EEA1: variants seen among roughly 807,000 people sequenced by gnomAD.
EEA1 encodes early endosome antigen 1, 162kD.
EEA1 carries 111 observed loss-of-function variants against 209.2 expected under a neutral mutation model. The ratio of observed to expected loss-of-function variants is 0.53; its 90% CI spans 0.45 to 0.62. The LOEUF (loss-of-function observed/expected upper bound fraction) is 0.62, where lower values mean the gene tolerates loss of function less well. Ranked by LOEUF, EEA1 falls within the 20% of genes least tolerant of loss-of-function variation. EEA1 has a pLI of 0.00. For missense variants in EEA1, 1,343 were observed against 1,530.8 expected (o/e 0.88, Z 2.05); for synonymous variants, 536 against 540.6 (o/e 0.99, Z 0.12).
At chr12:92,788,921 G>A (rs1234452016) in intron 21 of EEA1, among the ~76,000 whole-genome samples, 1 of 152,044 alleles carries the variant, frequency 6.6e-6, no homozygotes, top group African/African-American at 2.4e-5. Context: ...CTTTTCCTCT[G>A]CTACTTCTGT....
rs1289369011 is a variant in EEA1 at position 92,809,811 on chromosome 12, G to A, written c.2200-655C>T. Reference sequence around the variant, plus strand: ...TCAAGTATGAAAAAATAAGTTAACAGGTTCACTGATCTACTCACTTAAAAC... The same window carrying A: ...TCAAGTATGAAAAAATAAGTTAACAAGTTCACTGATCTACTCACTTAAAAC... On this transcript the variant is annotated intron_variant, in intron 17 of 28. Coordinates refer to ENST00000322349, the MANE Select transcript of EEA1 (RefSeq NM_003566.4). Among the ~76,000 whole-genome samples the A allele has an allele frequency of 2.6e-5, 4 of 152,112 alleles. No homozygotes were observed. The East Asian group carries it at 7.7e-4, about 29-fold the overall frequency.
intron 2 of EEA1, among the ~76,000 whole-genome samples, chr12:92,879,637 T>C (rs1325332253): frequency 1.3e-5 from 2 of 152,074 alleles, no homozygotes; most frequent in African/African-American, 4.8e-5. Flanking sequence ...AAAAAACCCA[T>C]GGCTACCATC....
At chr12:92,795,383 A>C (rs1223489342) in intron 21 of EEA1, among the ~76,000 whole-genome samples, 1 of 152,242 alleles carries the variant, frequency 6.6e-6, no homozygotes, top group Admixed American at 6.5e-5. Flanking sequence ...TACGCACTAA[A>C]GTATAAGCTC....
intron 22 of EEA1, among the ~76,000 whole-genome samples, chr12:92,785,027 TAAAAA>T (rs33945823): frequency 1.4e-5 from 2 of 142,704 alleles, no homozygotes; most frequent in Non-Finnish European, 3.0e-5. Context: ...CATACTTTCT[TAAAAA>T]AAAAAAAAAA....
chr12:92,812,980 C>G lies in EEA1; in HGVS notation c.2043G>C (p.Gln681His). Residue 681 changes from glutamine to histidine, a missense_variant and splice_region_variant, in exon 16 of 29, where the codon CAG becomes CAC. Around this residue, in one of 3 missense-constraint regions of EEA1, gnomAD observed 1,307 missense variants for 1,465.5 expected, o/e 0.89. Coordinates refer to ENST00000322349, the MANE Select transcript of EEA1 (RefSeq NM_003566.4). Reference sequence around the variant, plus strand: ...TATGAAATTGCATCTGTTTCCCTACCTGCTGTTTATCTTGTAATGCATTTT... The same window carrying G: ...TATGAAATTGCATCTGTTTCCCTACGTGCTGTTTATCTTGTAATGCATTTT... ...TAQNALQDKQQELNKITTQLD... is the reference protein window; with the variant it reads ...TAQNALQDKQHELNKITTQLD... 1 of 1,564,848 alleles carries G rather than the reference C, an allele frequency of 6.4e-7. No individual in the cohort carries two copies. Among genetic ancestry groups the G allele is most frequent in the Non-Finnish European group, 8.7e-7 (1 of 1,147,604 alleles).
intron 9 of EEA1, among the ~76,000 whole-genome samples, chr12:92,844,777 T>C (rs1382187814): frequency 6.6e-6 from 1 of 152,016 alleles, no homozygotes; most frequent in East Asian, 1.9e-4. Flanking sequence ...TCAAAAAAAT[T>C]TGCACAGGTT....
At chr12:92,820,923 GT>G (rs1876024202) in intron 13 of EEA1, 2 of 152,036 alleles carry the variant, frequency 1.3e-5, no homozygotes, top group South Asian at 4.1e-4. Flanking sequence ...GTAGAGGAGG[GT>G]TACCTTTTCC....
At chr12:92,805,812 G>C (rs1376789937) in intron 18 of EEA1, among the ~76,000 whole-genome samples, 1 of 152,132 alleles carries the variant, frequency 6.6e-6, no homozygotes, top group East Asian at 1.9e-4. Flanking sequence ...TCTGCCACCA[G>C]AGACATTTGA....
intron 1 of EEA1, among the ~76,000 whole-genome samples, chr12:92,904,778 G>T (rs1331109122): frequency 2.0e-5 from 3 of 152,194 alleles, no homozygotes; most frequent in Non-Finnish European, 2.9e-5. Flanking sequence ...GTAAGGGAAG[G>T]TCTGCAGGGC....
chr12:92,872,851 G>A (rs955186138), intron 2 of EEA1, among the ~76,000 whole-genome samples: 3 of 152,158 alleles, frequency 2.0e-5, no homozygotes, highest in African/African-American at 7.2e-5. Flanking sequence ...TACTAGGGAG[G>A]CTCAGGCCAG....
At chr12:92,835,935 T>C (rs1346931426) in intron 10 of EEA1, among the ~76,000 whole-genome samples, 1 of 152,242 alleles carries the variant, frequency 6.6e-6, no homozygotes, top group African/African-American at 2.4e-5. Flanking sequence ...CTATATTTTA[T>C]TATTAAAACT....
intron 3 of EEA1, chr12:92,859,223 A>C (rs2136717244): frequency 6.2e-7 from 1 of 1,613,194 alleles, no homozygotes; most frequent in South Asian, 1.1e-5. Context: ...GCCTATGGCC[A>C]CTTTGGTAGG....
chr12:92,916,653 A>G (rs1221550748), intron 1 of EEA1, among the ~76,000 whole-genome samples: 1 of 108,894 alleles, frequency 9.2e-6, no homozygotes, highest in Non-Finnish European at 2.0e-5. Flanking sequence ...AAAAAACAGA[A>G]CAGAAAAACT....
chr12:92,898,066 A>G (rs1879966331), intron 1 of EEA1, among the ~76,000 whole-genome samples: 1 of 151,518 alleles, frequency 6.6e-6, no homozygotes, highest in Admixed American at 6.6e-5. Flanking sequence ...AGATATGCCT[A>G]TATACAAGTA....
intron 21 of EEA1, among the ~76,000 whole-genome samples, chr12:92,793,001 C>G (rs1265126899): frequency 1.3e-5 from 2 of 152,140 alleles, no homozygotes; most frequent in African/African-American, 4.8e-5. Context: ...TAAATGTAAT[C>G]CGTCACATAA....
At chr12:92,857,863 T>G (rs144787132) in intron 3 of EEA1, among the ~76,000 whole-genome samples, 12 of 152,328 alleles carry the variant, frequency 7.9e-5, no homozygotes, top group African/African-American at 2.9e-4. Flanking sequence ...AATCTAGTCA[T>G]TGCCTTATCA....
chr12:92,828,161 C>T (rs550137230), intron 11 of EEA1, 100 bp from the exon 12 acceptor site: 51 of 952,546 alleles, frequency 5.4e-5, no homozygotes, highest in Non-Finnish European at 7.1e-5. Flanking sequence ...AAAATAAGTA[C>T]AATATCTTAA....
intron 21 of EEA1, among the ~76,000 whole-genome samples, chr12:92,789,214 C>T (rs1874276065): frequency 6.7e-6 from 1 of 149,250 alleles, no homozygotes; most frequent in Non-Finnish European, 1.5e-5. Context: ...CGCCTGAACA[C>T]AGGAGGTGGA....
chr12:92,852,813 G>T, intron 7 of EEA1, 99 bp downstream of exon 7: 1 of 757,410 alleles, frequency 1.3e-6, no homozygotes, highest in Non-Finnish European at 2.2e-6. Context: ...TATCACAAAT[G>T]CTTTAACACA....
Sources: gnomAD v4.1 joint callset for allele counts (sites outside exome capture counted in the v4.1 genomes callset) on GRCh38, gnomAD v4.1.1 for gene constraint, gnomAD v4.1.1 regional missense constraint, MANE v1.5 for transcripts, NCBI Gene and HGNC (gene_info 2026-07-23, HGNC 2026-07-21) for gene names.